The following CNOT6L variants were observed in gnomAD, a reference collection of about 807,000 sequenced individuals.
CNOT6L encodes CCR4-NOT transcription complex subunit 6-like.
CNOT6L carries 7 observed loss-of-function variants against 64.0 expected under a neutral mutation model. That is an observed-to-expected ratio of 0.11 (90% CI 0.06 to 0.21). The LOEUF (loss-of-function observed/expected upper bound fraction) is 0.21, where lower values mean the gene tolerates loss of function less well. Ranked by LOEUF, CNOT6L falls within the 10% of genes least tolerant of loss-of-function variation. CNOT6L has a pLI of 1.00. For synonymous variants in CNOT6L, 193 were observed against 243.4 expected (o/e 0.79, Z 1.93); for missense variants, 245 against 669.0 (o/e 0.37, Z 6.99).
At chr4:77,810,028 T>C in intron 1 of CNOT6L, among the ~76,000 whole-genome samples, 1 of 152,172 alleles carries the variant, frequency 6.6e-6, no homozygotes, top group Middle Eastern at 3.4e-3. Context: ...AATAATAAAT[T>C]GTATCTGTAT....
rs369220733 is a variant in CNOT6L at position 77,748,320 on chromosome 4, C to A, written c.555G>T (p.Pro185=). 3 of 1,603,164 alleles carry A rather than the reference C, an allele frequency of 1.9e-6. No homozygotes were observed. In the East Asian group the frequency reaches 6.7e-5, roughly 36 times the overall value. ...ITLKERDQIL[P]SASFTVMCYN... ...AGAATAAGAAAAACTATTTACCTGA[C>A]GGCAGAATTTGGTCTCGTTCTTTTA... The change falls in exon 6 of 12, where the codon CCG becomes CCT. Residue 185 remains proline (P), a synonymous_variant. Coordinates refer to ENST00000504123, the MANE Select transcript of CNOT6L (RefSeq NM_144571.3).
chr4:77,775,736 G>A (rs1041063625), intron 2 of CNOT6L, among the ~76,000 whole-genome samples: 62 of 152,102 alleles, frequency 4.1e-4, no homozygotes, highest in Non-Finnish European at 8.1e-4. Context: ...TGACAATTTT[G>A]AGTATTAATC....
intron 8 of CNOT6L, among the ~76,000 whole-genome samples, chr4:77,734,413 A>G (rs1327758580): frequency 6.6e-6 from 1 of 152,184 alleles, no homozygotes; most frequent in Non-Finnish European, 1.5e-5. Flanking sequence ...CATTTCCTAT[A>G]ACATTTAATA....
At chr4:77,768,474 AATAT>A (rs1193284066) in intron 4 of CNOT6L, among the ~76,000 whole-genome samples, 43 of 13,108 alleles carry the variant, frequency 3.3e-3, no homozygotes, top group South Asian at 9.2e-3. Flanking sequence ...AAAATAAATA[AATAT>A]ATATATATAT....
At chr4:77,793,276 C>T (rs140763025) in intron 1 of CNOT6L, among the ~76,000 whole-genome samples, 3 of 152,258 alleles carry the variant, frequency 2.0e-5, no homozygotes, top group South Asian at 2.1e-4. Flanking sequence ...GAGAAGCAGA[C>T]AGCTATTCCA....
At chr4:77,813,136 G>C (rs1376315638) in intron 1 of CNOT6L, among the ~76,000 whole-genome samples, 1 of 152,174 alleles carries the variant, frequency 6.6e-6, no homozygotes. Context: ...GGGCAACTAA[G>C]TACCCACAGG....
At chr4:77,776,964 G>C (rs1728218531) in intron 1 of CNOT6L, among the ~76,000 whole-genome samples, 1 of 152,174 alleles carries the variant, frequency 6.6e-6, no homozygotes, top group Non-Finnish European at 1.5e-5. Context: ...CAACGATAAG[G>C]AAAGTCAGCC....
At chr4:77,780,877 C>T (rs762169921) in intron 1 of CNOT6L, among the ~76,000 whole-genome samples, 3 of 152,102 alleles carry the variant, frequency 2.0e-5, no homozygotes, top group East Asian at 1.9e-4. Flanking sequence ...GTGGAGGGAT[C>T]GCTTGCAGCT....
rs142888128 is a variant in CNOT6L, at chr4:77,743,586, C to CT, written c.717+1131dup. ...GAATGTGTGAAATTGTAACACACAA[C>CT]TTTTTTTTTTTTTTTTTTTTTTTTT... is the stretch of plus-strand genomic sequence containing the variant. On this transcript the variant is annotated intron_variant, in intron 7 of 11. Coordinates refer to ENST00000504123, the MANE Select transcript of CNOT6L (RefSeq NM_144571.3). Among the ~76,000 whole-genome samples, 577 of 70,850 alleles carry CT rather than the reference C, an allele frequency of 8.1e-3. 84 individuals are homozygous for CT. Among genetic ancestry groups the CT allele is most frequent in the African/African-American group, 0.02 (287 of 14,622 alleles). The allele number at this position is 70,850 out of a possible 152,430, so 46.5% of individuals were successfully genotyped here. A position where few individuals can be genotyped will look rare whatever the true frequency, so the allele number is the denominator to read the frequency against.
intron 1 of CNOT6L, among the ~76,000 whole-genome samples, chr4:77,805,781 A>C (rs532860365): frequency 1.5e-4 from 23 of 152,190 alleles, no homozygotes; most frequent in Non-Finnish European, 2.9e-4. Context: ...AGCCTTCTCC[A>C]GACTGAAGAA....
Position 77,731,367 on chromosome 4 carries a change from A to G in CNOT6L, c.1024+20T>C, listed in dbSNP as rs764313528. 1.9e-6 allele frequency: 3 copies of G among 1,603,130 alleles called. No individual in the cohort carries two copies. Among genetic ancestry groups the G allele is most frequent in the South Asian group, 2.2e-5 (2 of 89,346 alleles). On this transcript the variant is annotated intron_variant, in intron 9 of 11. Coordinates refer to ENST00000504123, the MANE Select transcript of CNOT6L (RefSeq NM_144571.3). ...GGGATGGTGTTTATTTTTAGTAAGA[A>G]TATTTTACATTGCACTCACCTGCTC...
chr4:77,746,218 T>C (rs1423890702), intron 6 of CNOT6L, among the ~76,000 whole-genome samples: 1 of 152,172 alleles, frequency 6.6e-6, no homozygotes, highest in Non-Finnish European at 1.5e-5. Context: ...ATTTTTATAA[T>C]ATAGCCAAAA....
intron 9 of CNOT6L, among the ~76,000 whole-genome samples, chr4:77,730,929 C>T (rs934747133): frequency 1.3e-5 from 2 of 151,962 alleles, no homozygotes; most frequent in Admixed American, 1.3e-4. Context: ...AAAGTAAGTA[C>T]CATGTAGATA....
intron 8 of CNOT6L, among the ~76,000 whole-genome samples, chr4:77,737,160 A>G (rs190957347): frequency 2.6e-4 from 39 of 152,348 alleles, no homozygotes; most frequent in African/African-American, 9.1e-4. Context: ...GCAATGTAAT[A>G]CACAGTCAAG....
intron 1 of CNOT6L, among the ~76,000 whole-genome samples, chr4:77,784,996 G>C (rs1729280145): frequency 6.6e-6 from 1 of 152,026 alleles, no homozygotes; most frequent in Non-Finnish European, 1.5e-5. Context: ...TTCTGAAAAA[G>C]GTATAAACAT....
chr4:77,753,191 G>GAAA (rs200937180), intron 5 of CNOT6L, among the ~76,000 whole-genome samples: 5 of 105,610 alleles, frequency 4.7e-5, no homozygotes, highest in South Asian at 2.8e-4. Flanking sequence ...CTTCCTACCA[G>GAAA]AAAAAAAAAA....
chr4:77,779,789 G>A (rs56896841), intron 1 of CNOT6L, among the ~76,000 whole-genome samples: 35 of 152,164 alleles, frequency 2.3e-4, no homozygotes, highest in African/African-American at 6.0e-4. Flanking sequence ...GTGAAACCCC[G>A]TCTCTACCAA....
At chr4:77,731,735 G>A in intron 8 of CNOT6L, 197 bp from the exon 9 acceptor site, 2 of 474,638 alleles carry the variant, frequency 4.2e-6, no homozygotes, top group Non-Finnish European at 7.4e-6. Flanking sequence ...AACAAAGACA[G>A]CATATATATC....
At chr4:77,796,254 G>C (rs1191602967) in intron 1 of CNOT6L, among the ~76,000 whole-genome samples, 2 of 151,988 alleles carry the variant, frequency 1.3e-5, no homozygotes, top group Non-Finnish European at 2.9e-5. Flanking sequence ...CTTTGAAAAA[G>C]AAAAATAAAA....
Sources: gnomAD v4.1 joint callset for allele counts (sites outside exome capture counted in the v4.1 genomes callset) on GRCh38, gnomAD v4.1.1 for gene constraint, MANE v1.5 for transcripts, NCBI Gene and HGNC (gene_info 2026-07-23, HGNC 2026-07-21) for gene names.